FLNA: variants seen among roughly 807,000 people sequenced by gnomAD.
FLNA encodes filamin A.
FLNA carries 7 observed loss-of-function variants against 157.6 expected under a neutral mutation model. That is an observed-to-expected ratio of 0.04 (90% CI 0.03 to 0.08). The LOEUF (loss-of-function observed/expected upper bound fraction) is 0.08. Among genes scored for constraint, FLNA ranks in the 10% least tolerant of loss-of-function variants. The pLI, the probability that FLNA is intolerant of heterozygous loss-of-function variation, is 1.00. For synonymous variants in FLNA, 1,103 were observed against 1,060.8 expected (o/e 1.04, Z -0.77); for missense variants, 1,750 against 2,398.4 (o/e 0.73, Z 5.65).
In FLNA at chrX:154,352,184, G is replaced by A. The variant is rs1603359077; in HGVS notation, c.6766C>T (p.Pro2256Ser). Residue 2256 changes from proline to serine, a missense_variant, in exon 41 of 48, where the codon CCA becomes TCA. Pro to Ser is a moderately conservative substitution (Grantham distance 74). Coordinates refer to ENST00000369850, the MANE Select transcript of FLNA (RefSeq NM_001110556.2). ...PGLERAEAGV[P>S]AEFSIWTREA... ...CTCGGGGTGTGAGCAGGCCTACCTG[G>A]CACTCCAGCTTCAGCTCTCTCCAGG... 1 of 1,210,364 alleles carries A rather than the reference G, an allele frequency of 8.3e-7. No individual in the cohort carries two copies. Among genetic ancestry groups the A allele is most frequent in the Admixed American group, 2.2e-5 (1 of 46,131 alleles).
intron 9 of FLNA, among the ~76,000 whole-genome samples, chrX:154,365,772 C>G (rs1480994569): frequency 9.1e-6 from 1 of 110,319 alleles, no homozygotes; most frequent in Admixed American, 9.5e-5. Flanking sequence ...GAGCAGAGAG[C>G]AGCAGGTTTC....
chrX:154,370,820 G>A, intron 2 of FLNA, 53 bp downstream of exon 2: 2 of 1,181,612 alleles, frequency 1.7e-6, no homozygotes, highest in Non-Finnish European at 1.1e-6. Flanking sequence ...GGAGATGGAA[G>A]GACGCACGGA....
Position 154,358,182 on chromosome X carries a change from C to G in FLNA, c.4755+17G>C, listed in dbSNP as rs1557177214. The stretch of plus-strand genomic sequence containing the variant: ...GCCCAGGCCCCCCTGCCTCCCCTGC[C>G]TGTGCCCGGAGCTCACCGTGATCTG... On this transcript the variant is annotated intron_variant, in intron 28 of 47. Coordinates refer to ENST00000369850, the MANE Select transcript of FLNA (RefSeq NM_001110556.2). The G allele has an allele frequency of 8.3e-7, 1 of 1,209,738 alleles. No individual in the cohort carries two copies. Among genetic ancestry groups the G allele is most frequent in the African/African-American group, 1.7e-5 (1 of 57,882 alleles).
chrX:154,361,983 T>C lies in FLNA; in HGVS notation c.2822A>G (p.Gln941Arg), dbSNP rs2148113975. The change falls in exon 19 of 48, where the codon CAG (glutamine) becomes CGG (arginine). Residue 941 changes from glutamine to arginine, a missense_variant. Around this residue, in one of 5 missense-constraint regions of FLNA, gnomAD observed 648 missense variants for 805.8 expected, o/e 0.80. Transcript: ENST00000369850. ...NTYTVKYTPVQQGPVGVNVTY... is the reference protein window; with the variant it reads ...NTYTVKYTPVRQGPVGVNVTY... ...TGTAGTGGAGGGTGTGGCTACCTGC[T>C]GGACAGGCGTGTACTTGACTGTGTA... 8.3e-7 allele frequency: 1 copy of C among 1,209,763 alleles called. No individual in the cohort carries two copies. Among genetic ancestry groups the C allele is most frequent in the Non-Finnish European group, 1.1e-6 (1 of 894,623 alleles).
chrX:154,352,972 G>A (rs940363177), intron 38 of FLNA, 29 bp downstream of exon 38: 9 of 1,209,752 alleles, frequency 7.4e-6, no homozygotes, highest in Admixed American at 2.2e-5. Context: ...CAGTGCTCCC[G>A]CCCCAGCTGG....
intron 2 of FLNA, among the ~76,000 whole-genome samples, chrX:154,369,736 T>C (rs1211197346): frequency 9.0e-6 from 1 of 111,663 alleles, no homozygotes; most frequent in African/African-American, 3.3e-5. Context: ...AGGACTGAGA[T>C]GACTCAGCTT....
intron 15 of FLNA, 22 bp downstream of exon 15, chrX:154,364,000 A>G: frequency 8.3e-7 from 1 of 1,207,406 alleles, no homozygotes; most frequent in Non-Finnish European, 1.1e-6. Context: ...GATGGACTAA[A>G]GGCCGGTGGA....
rs1557180265 is a variant in FLNA at position 154,371,208 on chromosome X, G to A, written c.38C>T (p.Ala13Val). The A allele has an allele frequency of 1.7e-6, 2 of 1,198,257 alleles. No homozygotes were observed. The highest frequency in any genetic ancestry group is 1.1e-6 in the Non-Finnish European group (1 of 889,457). Residue 13 changes from alanine (A) to valine (V), a missense_variant, in exon 2 of 48, where the codon GCA (alanine) becomes GTA (valine). Physicochemically the swap from Ala to Val is moderately conservative, Grantham distance 64 (BLOSUM62 0). This residue lies in a region of FLNA where 58 missense variants were observed against 27.8 expected (regional missense o/e 2.09). Transcript: ENST00000369850. ...SSHSRAGQSA[A>V]GAAPGGGVDT... ...GACGCCGCCGCCCGGAGCCGCGCCT[G>A]CTGCGCTCTGGCCCGCCCGAGAGTG...
chrX:154,349,353 G>A lies in FLNA; in HGVS notation c.7756+9C>T. ...GTGGGAAGGTGGGCCGGGGGCCCAGGTTGCCCACCTGCTTTGCTGCAGTCT... is the reference window on the plus strand; with the variant it reads ...GTGGGAAGGTGGGCCGGGGGCCCAGATTGCCCACCTGCTTTGCTGCAGTCT... On this transcript the variant is annotated intron_variant, in intron 47 of 47. Coordinates refer to ENST00000369850, the MANE Select transcript of FLNA (RefSeq NM_001110556.2). The A allele has an allele frequency of 8.3e-7, 1 of 1,207,424 alleles. No individual in the cohort carries two copies. The highest frequency in any genetic ancestry group is 1.1e-6 in the Non-Finnish European group (1 of 891,601).
chrX:154,366,873 C>A (rs188357092), intron 5 of FLNA, 23 bp from the exon 6 acceptor site: 1 of 1,145,564 alleles, frequency 8.7e-7, no homozygotes, highest in South Asian at 1.8e-5. Flanking sequence ...GGCGAGCCAA[C>A]CACGGGCCAG....
At chrX:154,357,770 C>T (rs2067674398) in intron 28 of FLNA, 147 bp from the exon 29 acceptor site, 2 of 565,837 alleles carry the variant, frequency 3.5e-6, no homozygotes, top group Non-Finnish European at 6.0e-6. Context: ...AAAAGGGCTG[C>T]CTGCACCTGG....
In FLNA at chrX:154,365,581, C is replaced by G. The variant is rs1011658271; in HGVS notation, c.1430-95G>C. On this transcript the variant is annotated intron_variant, in intron 9 of 47. Transcript: ENST00000369850. The stretch of plus-strand genomic sequence containing the variant: ...CCGGGCTGTCAGGATTGGTGGGTCC[C>G]TCAGAGCTTGGCTGGAGGGGGACAT... 37 of 1,037,262 alleles carry G rather than the reference C, an allele frequency of 3.6e-5. No individual in the cohort carries two copies. The African/African-American group carries it at 5.6e-4, about 16-fold the overall frequency. 85.5% of individuals were successfully genotyped at this position (1,037,262 alleles called of 1,213,427 possible).
Position 154,361,583 on chromosome X carries a change from TGAAA to T in FLNA, c.2945-17_2945-14del. 8.3e-7 allele frequency: 1 copy of T among 1,210,875 alleles called. No homozygotes were observed. Among genetic ancestry groups the T allele is most frequent in the Non-Finnish European group, 1.1e-6 (1 of 895,181 alleles). On this transcript the variant is annotated splice_polypyrimidine_tract_variant and intron_variant, in intron 20 of 47. Transcript: ENST00000369850. ...CCAACGTCCACCTCTGTGGAAACGA[TGAAA>T]GGAAGGAGAGAGACATGACACCCAG...
At chrX:154,361,229 C>A in intron 21 of FLNA, 79 bp downstream of exon 21, 21 of 873,685 alleles carry the variant, frequency 2.4e-5, no homozygotes, top group Non-Finnish European at 3.1e-5. Context: ...TAGGGCAGGT[C>A]TGGAGAAGAT....
intron 2 of FLNA, 46 bp downstream of exon 2, chrX:154,370,827 C>T (rs1372624944): frequency 8.4e-7 from 1 of 1,191,487 alleles, no homozygotes; most frequent in East Asian, 3.0e-5. Flanking sequence ...GAAGGACGCA[C>T]GGAGTCCCCG....
Position 154,362,029 on chromosome X carries a change from T to C in FLNA, c.2776A>G (p.Ile926Val). The change falls in exon 19 of 48, where the codon ATC becomes GTC. Residue 926 changes from isoleucine to valine, a missense_variant. By Grantham distance (29) the Ile-to-Val change is conservative (BLOSUM62 3). Around this residue, in one of 5 missense-constraint regions of FLNA, gnomAD observed 648 missense variants for 805.8 expected, o/e 0.80. Coordinates refer to ENST00000369850, the MANE Select transcript of FLNA (RefSeq NM_001110556.2). Reference protein sequence around the residue: ...KGDAVRDVDIIDHHDNTYTVK... With the variant: ...KGDAVRDVDIVDHHDNTYTVK... ...GTGTAGGTGTTGTCATGGTGGTCGA[T>C]GATGTCCACATCTCGCACTGCATCC... 1.7e-6 allele frequency: 2 copies of C among 1,210,484 alleles called. No individual in the cohort carries two copies. Among genetic ancestry groups the C allele is most frequent in the Non-Finnish European group, 2.2e-6 (2 of 894,734 alleles).
rs781984427 is a variant in FLNA at position 154,366,395 on chromosome X, C to A, written c.1141G>T (p.Ala381Ser). The change falls in exon 8 of 48, where the codon GCC (alanine) becomes TCC (serine). Residue 381 changes from alanine to serine, a missense_variant. By Grantham distance (99) the Ala-to-Ser change is moderately conservative. Coordinates refer to ENST00000369850, the MANE Select transcript of FLNA (RefSeq NM_001110556.2). ...GGACCTTGGGCTGTCACTTTGCTGG[C>A]GTCACCCTGTGACTTATCCACGTAC... Reference protein sequence around the residue: ...EVYVDKSQGDASKVTAQGPGL... With the variant: ...EVYVDKSQGDSSKVTAQGPGL... 2 of 1,210,634 alleles carry A rather than the reference C, an allele frequency of 1.7e-6. No homozygotes were observed. Among genetic ancestry groups the A allele is most frequent in the South Asian group, 3.5e-5 (2 of 56,916 alleles).
In FLNA at chrX:154,353,112, TCAC is replaced by T. The variant is rs782495475; in HGVS notation, c.6112_6114del (p.Val2038del). On this transcript the variant is annotated inframe_deletion, in exon 38 of 48. Coordinates refer to ENST00000369850, the MANE Select transcript of FLNA (RefSeq NM_001110556.2). Reference sequence around the variant, plus strand: ...GCATCCCCAATTTCCGACTGGCTGATCACCACCGGGATGGGGCTGCTGGCCACG... The same window carrying T: ...GCATCCCCAATTTCCGACTGGCTGATCACCGGGATGGGGCTGCTGGCCACG... 1 of 1,211,273 alleles carries T rather than the reference TCAC, an allele frequency of 8.3e-7. No individual in the cohort carries two copies. Among genetic ancestry groups the T allele is most frequent in the Non-Finnish European group, 1.1e-6 (1 of 895,321 alleles).
At chrX:154,362,198 T>C (rs782107779) in intron 18 of FLNA, 44 bp downstream of exon 18, 10 of 1,205,877 alleles carry the variant, frequency 8.3e-6, no homozygotes, top group Non-Finnish European at 1.1e-5. Context: ...CAAGCCCTCC[T>C]ACCCTTGATG....
Sources: gnomAD v4.1 joint callset for allele counts (sites outside exome capture counted in the v4.1 genomes callset) on GRCh38, gnomAD v4.1.1 for gene constraint, gnomAD v4.1.1 regional missense constraint, MANE v1.5 for transcripts, NCBI Gene and HGNC (gene_info 2026-07-23, HGNC 2026-07-21) for gene names.